The following FBXO34 variants were observed in gnomAD, a reference collection of about 807,000 sequenced individuals.
The protein encoded by FBXO34 is F-box only protein 34.
Under a neutral mutation model 24.5 loss-of-function variants are expected in FBXO34, and 12 were observed. The ratio of observed to expected loss-of-function variants is 0.49; its 90% CI spans 0.31 to 0.79. The LOEUF (loss-of-function observed/expected upper bound fraction) is 0.79, where lower values mean the gene tolerates loss of function less well. FBXO34 is among the 30% of genes least tolerant of loss of function. The probability of loss-of-function intolerance (pLI) is 0.04; values close to 1 mark genes in which losing one functional copy is unlikely to be tolerated. For missense variants in FBXO34, 823 were observed against 857.7 expected (o/e 0.96, Z 0.51); for synonymous variants, 320 against 311.9 (o/e 1.03, Z -0.27).
the FBXO34 span, among the ~76,000 whole-genome samples, chr14:55,407,089 G>C: frequency 1.7e-3 from 254 of 151,978 alleles, no homozygotes; most frequent in African/African-American, 5.8e-3. Flanking sequence ...AGCTTCCCGA[G>C]TAGCTGGGTT....
At chr14:55,336,868 G>GCGCA (rs1555338882) in intron 1 of FBXO34, among the ~76,000 whole-genome samples, 4 of 144,204 alleles carry the variant, frequency 2.8e-5, no homozygotes, top group African/African-American at 5.1e-5. Flanking sequence ...ATACATGCAC[G>GCGCA]CACACACACA....
chr14:55,433,867 C>T, the FBXO34 span: 3 of 595,974 alleles, frequency 5.0e-6, no homozygotes, highest in Non-Finnish European at 8.5e-6. Context: ...TTAAGGTTAA[C>T]AAAAATAATG....
chr14:55,362,988 GTA>G (rs1438016597), downstream of FBXO34, among the ~76,000 whole-genome samples: 2 of 151,016 alleles, frequency 1.3e-5, no homozygotes, highest in African/African-American at 2.4e-5. Context: ...GGATCTAGAG[GTA>G]TCAATGCCAC....
the FBXO34 span, chr14:55,390,990 TCTCTG>T: frequency 6.2e-7 from 1 of 1,602,344 alleles, no homozygotes; most frequent in African/African-American, 1.3e-5. Context: ...TTATTTTCCA[TCTCTG>T]AAAAAAGCAT....
chr14:55,342,683 T>C (rs549630563), intron 1 of FBXO34, among the ~76,000 whole-genome samples: 25 of 152,304 alleles, frequency 1.6e-4, no homozygotes, highest in Non-Finnish European at 3.5e-4. Flanking sequence ...TTTTCCAATT[T>C]AATAGCCATT....
chr14:55,402,887 T>C, the FBXO34 span, among the ~76,000 whole-genome samples: 1 of 51,218 alleles, frequency 2.0e-5, no homozygotes, highest in Non-Finnish European at 3.3e-5. Flanking sequence ...TAAGACTCCA[T>C]CTCTACAAAA....
At chr14:55,365,629 A>T (rs1884662249), downstream of FBXO34, among the ~76,000 whole-genome samples, 1 of 152,182 alleles carries the variant, frequency 6.6e-6, no homozygotes, top group Non-Finnish European at 1.5e-5. Context: ...AGGATGGAGA[A>T]ATCTCCCTTT....
chr14:55,435,705 A>G, the FBXO34 span: 1 of 582,210 alleles, frequency 1.7e-6, no homozygotes, highest in Non-Finnish European at 3.0e-6. Context: ...CTCAAAACAG[A>G]TATTAACCCT....
intron 1 of FBXO34, among the ~76,000 whole-genome samples, chr14:55,321,432 G>T (rs1227960464): frequency 1.3e-5 from 2 of 151,312 alleles, no homozygotes; most frequent in African/African-American, 4.9e-5. Flanking sequence ...TTGGAGACAG[G>T]GTCTCCCTCT....
chr14:55,283,172 C>G (rs1159000329), intron 1 of FBXO34, among the ~76,000 whole-genome samples: 1 of 152,112 alleles, frequency 6.6e-6, no homozygotes, highest in African/African-American at 2.4e-5. Context: ...GAAAATAAGT[C>G]CAGGGAGGGC....
the FBXO34 span, among the ~76,000 whole-genome samples, chr14:55,379,534 G>C: frequency 0.02 from 3,116 of 152,228 alleles, 69 homozygotes; most frequent in African/African-American, 0.051. Flanking sequence ...GACAGAGTGA[G>C]ACCCTGTCTT....
At chr14:55,331,719 A>ATATATATATG (rs1329881256) in intron 1 of FBXO34, among the ~76,000 whole-genome samples, 1 of 41,944 alleles carries the variant, frequency 2.4e-5, no homozygotes, top group Non-Finnish European at 4.2e-5. Flanking sequence ...ATATATATGT[A>ATATATATATG]TATATATATG....
intron 1 of FBXO34, among the ~76,000 whole-genome samples, chr14:55,322,681 T>C (rs1178534413): frequency 1.3e-5 from 2 of 152,092 alleles, no homozygotes; most frequent in East Asian, 1.9e-4. Context: ...AATATTATTG[T>C]CCCATTCTTT....
rs768413208 is a variant in FBXO34 at position 55,350,543 on chromosome 14, C to G, written c.153C>G (p.Ala51=). 1.2e-6 allele frequency: 2 copies of G among 1,613,566 alleles called. No individual in the cohort carries two copies. The highest frequency in any genetic ancestry group is 1.7e-5 in the Admixed American group (1 of 59,826). The change falls in exon 2 of 2, where the codon GCC becomes GCG. Residue 51 remains alanine, a synonymous_variant. Coordinates refer to ENST00000313833, the MANE Select transcript of FBXO34 (RefSeq NM_017943.4). ...SHITSSVFPS[A]SLGKASSRKP... ...TAACATCAAGTGTCTTTCCTTCAGC[C>G]TCTCTCGGTAAAGCATCATCTCGAA...
chr14:55,315,323 C>G (rs77038159), intron 1 of FBXO34, among the ~76,000 whole-genome samples: 8,840 of 152,254 alleles, frequency 0.058, 327 homozygotes, highest in South Asian at 0.089. Context: ...TTCAAGTATT[C>G]TATTATCTTC....
chr14:55,285,267 G>A (rs1040094900), intron 1 of FBXO34: 1 of 144,412 alleles, frequency 6.9e-6, no homozygotes, highest in Non-Finnish European at 1.6e-5. Flanking sequence ...CAGCTACTTG[G>A]GCTGATTCAG....
rs538127970 is a variant in FBXO34, at chr14:55,327,813, C to T, written c.-10-22568C>T. Among the ~76,000 whole-genome samples, 10 of 150,040 alleles carry T rather than the reference C, an allele frequency of 6.7e-5. No homozygotes were observed. The East Asian group carries it at 9.8e-4, about 15-fold the overall frequency. Reference sequence around the variant, plus strand: ...TGCCAAACCCTATATATATTGTGCACGAAATCTTTTTTCATTCGCAATTTT... The same window carrying T: ...TGCCAAACCCTATATATATTGTGCATGAAATCTTTTTTCATTCGCAATTTT... On this transcript the variant is annotated intron_variant, in intron 1 of 1. Transcript: ENST00000313833.
chr14:55,415,636 A>G, the FBXO34 span, among the ~76,000 whole-genome samples: 1 of 152,016 alleles, frequency 6.6e-6, no homozygotes, highest in Non-Finnish European at 1.5e-5. Context: ...AGTCCCAGGC[A>G]GGTGGATCAC....
intron 1 of FBXO34, among the ~76,000 whole-genome samples, chr14:55,334,596 G>T (rs1883712353): frequency 6.6e-6 from 1 of 152,126 alleles, no homozygotes; most frequent in Non-Finnish European, 1.5e-5. Context: ...AGTGGTTTCA[G>T]TAGTTGCAGT....
Sources: gnomAD v4.1 joint callset for allele counts (sites outside exome capture counted in the v4.1 genomes callset) on GRCh38, gnomAD v4.1.1 for gene constraint, MANE v1.5 for transcripts, NCBI Gene and HGNC (gene_info 2026-07-23, HGNC 2026-07-21) for gene names.